Variants in VWF observed in about 807,000 individuals in gnomAD.
The protein encoded by VWF is von Willebrand factor, also known as Factor VIII related antigen.
VWF carries 176 observed loss-of-function variants against 308.6 expected under a neutral mutation model. That is an observed-to-expected ratio of 0.57 (90% CI 0.50 to 0.65). VWF has a LOEUF of 0.65. VWF is among the 30% of genes least tolerant of loss of function. The probability of loss-of-function intolerance (pLI) is 0.00; values close to 1 mark genes in which losing one functional copy is unlikely to be tolerated. For synonymous variants in VWF, 1,385 were observed against 1,443.4 expected (o/e 0.96, Z 0.92); for missense variants, 3,146 against 3,648.2 (o/e 0.86, Z 3.55).
chr12:6,043,501 G>C (rs1228636510), intron 18 of VWF, among the ~76,000 whole-genome samples: 1 of 152,200 alleles, frequency 6.6e-6, no homozygotes, highest in African/African-American at 2.4e-5. Flanking sequence ...GGGAAAACAA[G>C]AAGACAGGAT....
At chr12:5,988,240 T>C (rs991183792) in intron 38 of VWF, among the ~76,000 whole-genome samples, 4 of 152,136 alleles carry the variant, frequency 2.6e-5, no homozygotes, top group Non-Finnish European at 5.9e-5. Context: ...GAGGAGGCCC[T>C]GCCTCACAGA....
In VWF at chr12:6,110,976, A is replaced by C; in HGVS notation, c.221-8T>G. 6.2e-7 allele frequency: 1 copy of C among 1,611,406 alleles called. No individual in the cohort carries two copies. The highest frequency in any genetic ancestry group is 8.5e-7 in the Non-Finnish European group (1 of 1,177,508). On this transcript the variant is annotated splice_polypyrimidine_tract_variant and splice_region_variant and intron_variant, in intron 3 of 51. Transcript: ENST00000261405. ...TGCCATTCTGGAAGTCCCCTGAAAGAGAAAAAAGTCAATAGTAGTGATTAT... is the reference window on the plus strand; with the variant it reads ...TGCCATTCTGGAAGTCCCCTGAAAGCGAAAAAAGTCAATAGTAGTGATTAT...
rs763419756 is a variant in VWF, at chr12:6,018,371, C to T, written c.5047G>A (p.Ala1683Thr). The T allele has an allele frequency of 2.5e-6, 4 of 1,610,368 alleles. No individual in the cohort carries two copies. Among genetic ancestry groups the T allele is most frequent in the Admixed American group, 3.3e-5 (2 of 59,880 alleles). ...ACACAAGGTGCCAGCATACCAGGTG[C>T]AGGGGAGAGGGTGGGGATCTGCAGC... The part of the protein sequence containing the change: ...EGLQIPTLSP[A>T]PDCSQPLDVI... The change falls in exon 28 of 52, where the codon GCA becomes ACA. Residue 1683 changes from alanine (A) to threonine (T), a missense_variant. Physicochemically the swap from Ala to Thr is moderately conservative, Grantham distance 58. Around this residue, in one of 3 missense-constraint regions of VWF, gnomAD observed 853 missense variants for 1,177.8 expected, o/e 0.72. Transcript: ENST00000261405.
Position 6,103,508 on chromosome 12 carries a change from A to G in VWF, c.532+6866T>C, listed in dbSNP as rs567408470. ...CATATATGTGTATACACACACGTATATATATACACACATATGTGTATATAC... is the reference window on the plus strand; with the variant it reads ...CATATATGTGTATACACACACGTATGTATATACACACATATGTGTATATAC... On this transcript the variant is annotated intron_variant, in intron 5 of 51. Transcript: ENST00000261405. Among the ~76,000 whole-genome samples the G allele has an allele frequency of 7.0e-3, 850 of 122,108 alleles. 23 individuals carry two copies. The highest frequency in any genetic ancestry group is 0.034 in the African/African-American group (798 of 23,168). The allele number at this position is 122,108 out of a possible 152,430, so 80.1% of individuals were successfully genotyped here.
chr12:6,052,632 C>T lies in VWF; in HGVS notation c.2097G>A (p.Gly699=). ...CPPGLYMDER[G]DCVPKAQCPC... ...GGCACTGGGCCTTGGGCACGCAGTC[C>T]CCCCTCTCATCCATGTAGAGCCCTG... Residue 699 remains glycine, a synonymous_variant, in exon 16 of 52, where the codon GGG becomes GGA. Transcript: ENST00000261405. 2 of 1,614,222 alleles carry T rather than the reference C, an allele frequency of 1.2e-6. No homozygotes were observed. The highest frequency in any genetic ancestry group is 1.7e-6 in the Non-Finnish European group (2 of 1,180,036).
intron 15 of VWF, among the ~76,000 whole-genome samples, chr12:6,053,443 A>G: frequency 6.6e-6 from 1 of 152,194 alleles, no homozygotes; most frequent in East Asian, 1.9e-4. Flanking sequence ...CTCTCTAGAA[A>G]GAAAACAGTC....
At chr12:6,025,369 T>C (rs533207340) in intron 24 of VWF, among the ~76,000 whole-genome samples, 2 of 152,306 alleles carry the variant, frequency 1.3e-5, no homozygotes, top group African/African-American at 4.8e-5. Context: ...CAGAAGGAAA[T>C]GTTTTGCCAG....
rs188131475 is a variant in VWF, at chr12:6,020,880, G to A, written c.3674+1020C>T. 0.063 allele frequency among the ~76,000 whole-genome samples: 9,546 copies of A among 151,996 alleles called. 983 individuals carry two copies. Among genetic ancestry groups the A allele is most frequent in the African/African-American group, 0.21 (8,850 of 41,240 alleles). On this transcript the variant is annotated intron_variant, in intron 27 of 51. Coordinates refer to ENST00000261405, the MANE Select transcript of VWF (RefSeq NM_000552.5). The surrounding 1 kb of genome is among the most constrained non-coding windows in gnomAD (Gnocchi z 4.3). ...TGCCCCTGCCCGTGTGCCAGCAAAGGAGGTGGGGAGAGGGCTCGAAGCTCT... is the reference window on the plus strand; with the variant it reads ...TGCCCCTGCCCGTGTGCCAGCAAAGAAGGTGGGGAGAGGGCTCGAAGCTCT...
At chr12:5,951,758 T>G in intron 50 of VWF, 86 bp downstream of exon 50, 1 of 1,424,306 alleles carries the variant, frequency 7.0e-7, no homozygotes, top group Non-Finnish European at 9.9e-7. Flanking sequence ...TGCGGCTTGC[T>G]AATGGGTTTC....
intron 20 of VWF, among the ~76,000 whole-genome samples, chr12:6,033,670 C>A (rs1344319233): frequency 1.3e-5 from 2 of 152,216 alleles, no homozygotes; most frequent in Non-Finnish European, 2.9e-5. Flanking sequence ...ACACTGCCTG[C>A]CTCTCTGGGC....
Position 6,095,597 on chromosome 12 carries a change from G to C in VWF, c.533-13C>G. The C allele has an allele frequency of 6.2e-7, 1 of 1,614,154 alleles. No individual in the cohort carries two copies. Among genetic ancestry groups the C allele is most frequent in the Non-Finnish European group, 8.5e-7 (1 of 1,179,978 alleles). On this transcript the variant is annotated splice_polypyrimidine_tract_variant and intron_variant, in intron 5 of 51. Coordinates refer to ENST00000261405, the MANE Select transcript of VWF (RefSeq NM_000552.5). The stretch of plus-strand genomic sequence containing the variant: ...GAGGTCAAGGTCCCTGTGGAGGAAA[G>C]TTTCAGGAAAGTAATGCTTCAGTTA...
chr12:6,118,957 C>G (rs562010577), intron 3 of VWF, among the ~76,000 whole-genome samples: 4 of 152,332 alleles, frequency 2.6e-5, no homozygotes, highest in Non-Finnish European at 5.9e-5. Flanking sequence ...TTGAGGATGA[C>G]TTTCTTATTT....
At chr12:6,052,843 T>C in intron 15 of VWF, 60 bp from the exon 16 acceptor site, 2 of 1,577,642 alleles carry the variant, frequency 1.3e-6, no homozygotes, top group Non-Finnish European at 1.7e-6. Flanking sequence ...GGACTGTGGT[T>C]CTAGGACTTG....
At chr12:6,099,318 CAAAAAAAAAAAA>C (rs1177262693) in intron 5 of VWF, among the ~76,000 whole-genome samples, 1 of 65,592 alleles carries the variant, frequency 1.5e-5, no homozygotes, top group African/African-American at 4.1e-5. Context: ...GACTCTATCT[CAAAAAAAAAAAA>C]AAAAAAAAAA....
At chr12:6,073,999 G>T (rs1056085434) in intron 7 of VWF, among the ~76,000 whole-genome samples, 2 of 152,058 alleles carry the variant, frequency 1.3e-5, no homozygotes, top group African/African-American at 4.8e-5. Context: ...CCCCTTGGTC[G>T]CCTGCTCTCC....
chr12:6,080,772 G>A (rs887345005), intron 6 of VWF, among the ~76,000 whole-genome samples: 2 of 152,190 alleles, frequency 1.3e-5, no homozygotes, highest in African/African-American at 2.4e-5. Context: ...AGCTCTCCTT[G>A]AGTAGGTGTC....
intron 10 of VWF, among the ~76,000 whole-genome samples, chr12:6,066,155 G>A (rs971587325): frequency 6.6e-6 from 1 of 152,068 alleles, no homozygotes; most frequent in Non-Finnish European, 1.5e-5. Context: ...CCCCAGCCTA[G>A]GCCCCATACT....
intron 6 of VWF, among the ~76,000 whole-genome samples, chr12:6,086,288 G>A (rs534222774): frequency 3.5e-4 from 53 of 152,278 alleles, no homozygotes; most frequent in African/African-American, 1.2e-3. Context: ...AAGAAAGAGA[G>A]ACTTGAGAGA....
chr12:5,957,590 C>T (rs1457461703), intron 47 of VWF, among the ~76,000 whole-genome samples: 1 of 148,582 alleles, frequency 6.7e-6, no homozygotes, highest in Admixed American at 6.6e-5. Flanking sequence ...AGAAATAACA[C>T]AAGCCAAAGA....
Sources: allele counts gnomAD v4.1 joint callset (sites outside exome capture counted in the v4.1 genomes callset), GRCh38; gene constraint gnomAD v4.1.1; regional missense constraint gnomAD v4.1.1; non-coding constraint Gnocchi (gnomAD v3.1); transcripts MANE v1.5; gene names NCBI Gene and HGNC (gene_info 2026-07-23, HGNC 2026-07-21).